The following ASZ1 variants were observed in gnomAD, a reference collection of about 807,000 sequenced individuals.
ASZ1 encodes the protein ankyrin repeat, SAM and basic leucine zipper domain containing 1.
A neutral mutation model predicts 61.8 loss-of-function variants in ASZ1; 67 were observed. The observed-to-expected ratio is 1.08, with a 90% CI of 0.89 to 1.33. The LOEUF (loss-of-function observed/expected upper bound fraction) is 1.33, where lower values mean the gene tolerates loss of function less well. Among genes scored for constraint, ASZ1 ranks in the 40% most tolerant of loss-of-function variants. ASZ1 has a pLI of 0.00. For synonymous variants in ASZ1, 193 were observed against 192.7 expected (o/e 1.00, Z -0.01); for missense variants, 577 against 554.5 (o/e 1.04, Z -0.41).
intron 10 of ASZ1, 32 bp from the exon 11 acceptor site, chr7:117,368,749 A>C (rs759041210): frequency 1.2e-6 from 2 of 1,606,376 alleles, no homozygotes; most frequent in South Asian, 2.3e-5. Flanking sequence ...ACAAGCAGGA[A>C]TTACTAATAA....
At chr7:117,417,521 G>C (rs1797018876) in intron 4 of ASZ1, among the ~76,000 whole-genome samples, 1 of 152,118 alleles carries the variant, frequency 6.6e-6, no homozygotes, top group African/African-American at 2.4e-5. Flanking sequence ...TAATGAGTTA[G>C]CTATAAAATT....
At chr7:117,426,000 TC>T (rs933364752) in intron 2 of ASZ1, among the ~76,000 whole-genome samples, 1 of 151,576 alleles carries the variant, frequency 6.6e-6, no homozygotes, top group African/African-American at 2.4e-5. Context: ...TCCCCTTCCT[TC>T]AACCCCCCAA....
chr7:117,363,823 T>TA lies in ASZ1; in HGVS notation c.1276-76dup, dbSNP rs1262719159. On this transcript the variant is annotated intron_variant, in intron 12 of 12. Transcript: ENST00000284629. ...AATAAAACATTTTGATTTTAAAAAATATCATAATATCCATGTTAATTCATT... is the reference window on the plus strand; with the variant it reads ...AATAAAACATTTTGATTTTAAAAAATAATCATAATATCCATGTTAATTCATT... 5 of 1,159,422 alleles carry TA rather than the reference T, an allele frequency of 4.3e-6. No individual in the cohort carries two copies. In the African/African-American group the frequency reaches 8.0e-5, roughly 19 times the overall value. The allele number at this position is 1,159,422 out of a possible 1,614,324, so 71.8% of individuals were successfully genotyped here.
At chr7:117,377,591 T>C (rs1796160553) in intron 10 of ASZ1, among the ~76,000 whole-genome samples, 1 of 152,140 alleles carries the variant, frequency 6.6e-6, no homozygotes, top group African/African-American at 2.4e-5. Context: ...TATGAATTAG[T>C]AGAATTAACA....
Position 117,363,722 on chromosome 7 carries a change from T to C in ASZ1, c.1302A>G (p.Pro434=). The change falls in exon 13 of 13, where the codon CCA becomes CCG. Residue 434 remains proline (P), a synonymous_variant. Transcript: ENST00000284629. ...CTTCTTCCCTTAATTGTATATGAGT[T>C]GGATCATTTTCCCGTTCATTTTGCA... ...QKLQNEREND[P]THIQLREEVS... 1 of 1,587,496 alleles carries C rather than the reference T, an allele frequency of 6.3e-7. No homozygotes were observed. The highest frequency in any genetic ancestry group is 1.4e-5 in the African/African-American group (1 of 74,068).
chr7:117,377,623 TA>T (rs1487977068), intron 10 of ASZ1, among the ~76,000 whole-genome samples: 1 of 152,200 alleles, frequency 6.6e-6, no homozygotes, highest in Non-Finnish European at 1.5e-5. Context: ...CAATTATACC[TA>T]AATTAATCAA....
At chr7:117,386,286 T>C (rs909858315) in intron 4 of ASZ1, among the ~76,000 whole-genome samples, 2 of 152,234 alleles carry the variant, frequency 1.3e-5, no homozygotes, top group Admixed American at 6.5e-5. Flanking sequence ...TATTCTATTA[T>C]GATTCTACTT....
chr7:117,394,548 T>C (rs753068804), intron 4 of ASZ1, among the ~76,000 whole-genome samples: 1 of 152,214 alleles, frequency 6.6e-6, no homozygotes, highest in Non-Finnish European at 1.5e-5. Flanking sequence ...TATAAATCTT[T>C]ATTCAGTGAT....
chr7:117,390,592 A>T (rs1056320766), intron 4 of ASZ1, among the ~76,000 whole-genome samples: 8 of 152,192 alleles, frequency 5.3e-5, no homozygotes, highest in African/African-American at 1.7e-4. Flanking sequence ...TTCTAGTTTT[A>T]GTTCTTTGAG....
intron 4 of ASZ1, among the ~76,000 whole-genome samples, chr7:117,418,693 G>A (rs977281837): frequency 6.6e-6 from 1 of 150,586 alleles, no homozygotes; most frequent in Non-Finnish European, 1.5e-5. Context: ...CAGTTATGGT[G>A]GCTTACACTT....
At chr7:117,418,862 G>A (rs527650119) in intron 4 of ASZ1, among the ~76,000 whole-genome samples, 4 of 151,446 alleles carry the variant, frequency 2.6e-5, no homozygotes, top group Admixed American at 2.6e-4. Context: ...TCTGGAGGCT[G>A]AGGTGGGAGG....
chr7:117,398,323 T>C (rs567123183), intron 4 of ASZ1, among the ~76,000 whole-genome samples: 30 of 152,298 alleles, frequency 2.0e-4, no homozygotes, highest in Admixed American at 1.6e-3. Flanking sequence ...CACATCTACC[T>C]TTGTCTCAGC....
chr7:117,421,030 A>G (rs17132545), intron 3 of ASZ1, among the ~76,000 whole-genome samples: 3,214 of 152,314 alleles, frequency 0.021, 113 homozygotes, highest in African/African-American at 0.073. Context: ...CTTTGTATGT[A>G]ACAGGGTTAT....
chr7:117,364,034 CTTTAAA>C (rs767431624), intron 12 of ASZ1, among the ~76,000 whole-genome samples: 22 of 152,154 alleles, frequency 1.4e-4, no homozygotes, highest in African/African-American at 4.6e-4. Flanking sequence ...GACAAAGTAA[CTTTAAA>C]TTTAAAGTTT....
chr7:117,421,429 G>C (rs543762046), intron 3 of ASZ1, among the ~76,000 whole-genome samples: 2 of 152,234 alleles, frequency 1.3e-5, no homozygotes, highest in South Asian at 4.1e-4. Context: ...TGTCCAGGCT[G>C]ATCTTGAACT....
chr7:117,364,425 G>C (rs1307458010), intron 12 of ASZ1, among the ~76,000 whole-genome samples: 1 of 148,314 alleles, frequency 6.7e-6, no homozygotes, highest in Non-Finnish European at 1.5e-5. Context: ...GAGACAGAGA[G>C]AGAGAGAGAG....
intron 2 of ASZ1, among the ~76,000 whole-genome samples, chr7:117,423,861 C>CA (rs1300803626): frequency 1.5e-3 from 158 of 104,106 alleles, no homozygotes; most frequent in South Asian, 4.0e-3. Context: ...GACTCCATCT[C>CA]AAAAAAAAAA....
chr7:117,398,432 T>A (rs1796616038), intron 4 of ASZ1, among the ~76,000 whole-genome samples: 1 of 152,186 alleles, frequency 6.6e-6, no homozygotes, highest in Non-Finnish European at 1.5e-5. Flanking sequence ...ATGGAAACAA[T>A]CCAAGTGTTC....
chr7:117,381,030 C>T lies in ASZ1; in HGVS notation c.926G>A (p.Arg309Lys), dbSNP rs1447138312. The T allele has an allele frequency of 6.3e-7, 1 of 1,597,950 alleles. No homozygotes were observed. Among genetic ancestry groups the T allele is most frequent in the African/African-American group, 1.4e-5 (1 of 73,950 alleles). The change falls in exon 9 of 13, where the codon AGG (arginine) becomes AAG (lysine). Residue 309 changes from arginine (R) to lysine (K), a missense_variant. Arg to Lys is a conservative substitution (Grantham distance 26). Transcript: ENST00000284629. ...DITLRHLLTM[R>K]EDEFTKNGIT... ...ACTAACCTTTGTAAATTCATCTTCC[C>T]TCATGGTCAAAAGATGTCTTAACGT... is the stretch of plus-strand genomic sequence containing the variant.
Sources: allele counts gnomAD v4.1 joint callset (sites outside exome capture counted in the v4.1 genomes callset), GRCh38; gene constraint gnomAD v4.1.1; transcripts MANE v1.5; gene names NCBI Gene and HGNC (gene_info 2026-07-23, HGNC 2026-07-21).